Variants in ARHGAP10 observed in about 807,000 individuals in gnomAD.
ARHGAP10 encodes the protein Rho GTPase activating protein 10, also known as rho GTPase-activating protein 10.
In ARHGAP10, 87 loss-of-function variants were observed where a neutral mutation model predicts 108.6. The ratio of observed to expected loss-of-function variants is 0.80; its 90% CI spans 0.67 to 0.96. ARHGAP10 has a LOEUF of 0.96. Among genes scored for constraint, ARHGAP10 ranks in the 40% least tolerant of loss-of-function variants. The pLI, the probability that ARHGAP10 is intolerant of heterozygous loss-of-function variation, is 0.00. For synonymous variants in ARHGAP10, 347 were observed against 341.1 expected (o/e 1.02, Z -0.19); for missense variants, 939 against 954.5 (o/e 0.98, Z 0.21).
intron 10 of ARHGAP10, among the ~76,000 whole-genome samples, chr4:147,894,232 T>G (rs180879159): frequency 6.6e-6 from 1 of 152,340 alleles, no homozygotes; most frequent in East Asian, 1.9e-4. Context: ...ATCAGCAGTG[T>G]ATGAGAGTTC....
rs185084758 is a variant in ARHGAP10 at position 147,816,071 on chromosome 4, G to T, written c.155-6656G>T. Among the ~76,000 whole-genome samples, 16 of 152,286 alleles carry T rather than the reference G, an allele frequency of 1.1e-4. 1 individual carries two copies. The highest frequency in any genetic ancestry group is 3.6e-4 in the African/African-American group (15 of 41,548). ...TAAATGAGATTTTCTTTAAACAGAG[G>T]AATCTGTGGCCAAAGACAGTTGGAA... On this transcript the variant is annotated intron_variant, in intron 1 of 22. Transcript: ENST00000336498.
chr4:147,825,342 G>A (rs536855833), intron 3 of ARHGAP10, among the ~76,000 whole-genome samples: 9 of 152,184 alleles, frequency 5.9e-5, no homozygotes, highest in African/African-American at 1.9e-4. Context: ...AGCTACTTGG[G>A]AGGCTGAGGC....
intron 13 of ARHGAP10, among the ~76,000 whole-genome samples, chr4:147,925,133 A>C (rs1043597286): frequency 2.0e-5 from 3 of 152,202 alleles, no homozygotes; most frequent in Admixed American, 6.5e-5. Flanking sequence ...GCATTAAGAT[A>C]TCCTGAGCAG....
chr4:147,964,668 C>T (rs984264184), intron 16 of ARHGAP10, among the ~76,000 whole-genome samples: 3 of 152,114 alleles, frequency 2.0e-5, no homozygotes, highest in African/African-American at 4.8e-5. Context: ...TCCATTGTGG[C>T]GTGACCCAGT....
chr4:147,944,561 G>C (rs1247124407), intron 14 of ARHGAP10, among the ~76,000 whole-genome samples: 2 of 152,136 alleles, frequency 1.3e-5, no homozygotes, highest in African/African-American at 4.8e-5. Context: ...TAAGTAGCAT[G>C]CACGACTTAA....
rs554939574 is a variant in ARHGAP10 at position 147,898,921 on chromosome 4, A to C, written c.1035-7717A>C. Among the ~76,000 whole-genome samples the C allele has an allele frequency of 6.7e-4, 102 of 152,268 alleles. 1 individual carries two copies. In the South Asian group the frequency reaches 0.015, roughly 22 times the overall value. ...CACTATCAGGAGAGCAGCACGGGGG[A>C]ACCACTCCTGTGATCCATCACCTTA... On this transcript the variant is annotated intron_variant, in intron 10 of 22. Transcript: ENST00000336498.
intron 18 of ARHGAP10, among the ~76,000 whole-genome samples, chr4:148,000,081 C>T (rs1319096406): frequency 6.6e-6 from 1 of 152,058 alleles, no homozygotes; most frequent in Non-Finnish European, 1.5e-5. Flanking sequence ...CCCCCTCTCC[C>T]CACCCCATGA....
intron 1 of ARHGAP10, among the ~76,000 whole-genome samples, chr4:147,816,049 A>G (rs1732229497): frequency 6.6e-6 from 1 of 152,196 alleles, no homozygotes; most frequent in Admixed American, 6.5e-5. Flanking sequence ...CCTACTGTAA[A>G]TGAGATTTTC....
chr4:147,769,587 T>TA (rs906902495), intron 1 of ARHGAP10, among the ~76,000 whole-genome samples: 16 of 152,136 alleles, frequency 1.1e-4, no homozygotes, highest in African/African-American at 3.1e-4. Context: ...GATTAATACT[T>TA]ACGGTGATCA....
intron 20 of ARHGAP10, among the ~76,000 whole-genome samples, chr4:148,059,500 T>C (rs1729506701): frequency 9.0e-6 from 1 of 111,628 alleles, no homozygotes; most frequent in Admixed American, 1.1e-4. Context: ...ATTTGGGAAA[T>C]GGTAGGAAAG....
intron 10 of ARHGAP10, among the ~76,000 whole-genome samples, chr4:147,886,830 G>T (rs979148101): frequency 1.3e-5 from 2 of 152,146 alleles, no homozygotes; most frequent in African/African-American, 4.8e-5. Context: ...GAGGGCAGTG[G>T]CACCATCTCT....
At chr4:148,017,668 A>ATATG (rs1416525216) in intron 18 of ARHGAP10, among the ~76,000 whole-genome samples, 2 of 127,904 alleles carry the variant, frequency 1.6e-5, no homozygotes, top group Non-Finnish European at 3.1e-5. Flanking sequence ...ATATATATAT[A>ATATG]TATATATATA....
chr4:147,892,512 G>A (rs779600135), intron 10 of ARHGAP10, among the ~76,000 whole-genome samples: 1 of 152,000 alleles, frequency 6.6e-6, no homozygotes, highest in Non-Finnish European at 1.5e-5. Flanking sequence ...CACAGACCAG[G>A]AGGATTTAGA....
At chr4:147,908,640 A>G (rs1736602128) in intron 11 of ARHGAP10, among the ~76,000 whole-genome samples, 1 of 152,180 alleles carries the variant, frequency 6.6e-6, no homozygotes, top group African/African-American at 2.4e-5. Context: ...TCACCGTGCT[A>G]TTTCTGCTGT....
intron 18 of ARHGAP10, among the ~76,000 whole-genome samples, chr4:148,009,557 G>C (rs1025438681): frequency 5.9e-5 from 9 of 152,216 alleles, no homozygotes; most frequent in African/African-American, 2.2e-4. Flanking sequence ...TAAAGGCCTT[G>C]TTAGAATGTA....
chr4:147,834,104 G>A (rs1032555682), intron 3 of ARHGAP10, among the ~76,000 whole-genome samples: 38 of 152,150 alleles, frequency 2.5e-4, no homozygotes, highest in African/African-American at 8.7e-4. Context: ...TCCAAGAGTG[G>A]GGGACCCAGG....
chr4:148,046,507 A>G (rs967877887), intron 19 of ARHGAP10, among the ~76,000 whole-genome samples: 3 of 152,216 alleles, frequency 2.0e-5, no homozygotes, highest in South Asian at 2.1e-4. Context: ...TAAAGAACCA[A>G]TAGGTGACCA....
In ARHGAP10 at chr4:147,732,197, CCT is replaced by C. The variant is rs1728238097; in HGVS notation, c.-102_-101del. The C allele has an allele frequency of 8.1e-7, 1 of 1,228,192 alleles. No homozygotes were observed. Among genetic ancestry groups the C allele is most frequent in the East Asian group, 3.2e-5 (1 of 31,412 alleles). The allele number at this position is 1,228,192 out of a possible 1,614,324, so 76.1% of individuals were successfully genotyped here. On this transcript the variant is annotated 5_prime_UTR_variant, in exon 1 of 23. Transcript: ENST00000336498. ...CGCCGCGCGCCCGGGCCTGCTAGCTCCTCTGTGCTCCCTGAACGCGCGGCGCC... is the reference window on the plus strand; with the variant it reads ...CGCCGCGCGCCCGGGCCTGCTAGCTCCTGTGCTCCCTGAACGCGCGGCGCC...
intron 1 of ARHGAP10, among the ~76,000 whole-genome samples, chr4:147,747,436 A>C (rs948722169): frequency 3.3e-5 from 5 of 152,246 alleles, no homozygotes; most frequent in Admixed American, 6.5e-5. Context: ...AATGCCTAGA[A>C]GAAATAAATG....
Sources: gnomAD v4.1 joint callset for allele counts (sites outside exome capture counted in the v4.1 genomes callset) on GRCh38, gnomAD v4.1.1 for gene constraint, MANE v1.5 for transcripts, NCBI Gene and HGNC (gene_info 2026-07-23, HGNC 2026-07-21) for gene names.